Variants in C8orf34 observed in about 807,000 individuals in gnomAD.
C8orf34 encodes the protein uncharacterized protein C8orf34.
C8orf34 carries 65 observed loss-of-function variants against 68.3 expected under a neutral mutation model. The ratio of observed to expected loss-of-function variants is 0.95; its 90% CI spans 0.78 to 1.17. The LOEUF (loss-of-function observed/expected upper bound fraction) is 1.17, where lower values mean the gene tolerates loss of function less well. Among genes scored for constraint, C8orf34 ranks in the 50% most tolerant of loss-of-function variants. The pLI is 0.00. For synonymous variants in C8orf34, 244 were observed against 241.2 expected, an observed-to-expected ratio of 1.01 and a Z score of -0.11; for missense variants, 664 against 655.4, an observed-to-expected ratio of 1.01 and a Z score of -0.14.
chr8:68,420,324 T>A (rs754253943), intron 1 of C8orf34, among the ~76,000 whole-genome samples: 1 of 152,140 alleles, frequency 6.6e-6, no homozygotes, highest in South Asian at 2.1e-4. Context: ...ACATTAATTC[T>A]CACAAAAGCT....
chr8:68,496,211 T>C (rs1229773288), intron 5 of C8orf34, among the ~76,000 whole-genome samples: 1 of 152,174 alleles, frequency 6.6e-6, no homozygotes, highest in Non-Finnish European at 1.5e-5. Flanking sequence ...GACCATGTAA[T>C]AGACTCAATA....
chr8:68,749,206 G>T (rs1402627599), intron 10 of C8orf34, among the ~76,000 whole-genome samples: 9 of 151,454 alleles, frequency 5.9e-5, no homozygotes, highest in Non-Finnish European at 1.2e-4. Flanking sequence ...ATGGACACAG[G>T]AAGGGGAACA....
chr8:68,575,797 T>A (rs1161786475), intron 7 of C8orf34, among the ~76,000 whole-genome samples: 2 of 151,888 alleles, frequency 1.3e-5, no homozygotes, highest in African/African-American at 4.8e-5. Flanking sequence ...AGCATATCAT[T>A]TTTGTTGAGA....
chr8:68,558,797 C>G (rs1816333564), intron 7 of C8orf34, among the ~76,000 whole-genome samples: 1 of 151,960 alleles, frequency 6.6e-6, no homozygotes, highest in Admixed American at 6.6e-5. Context: ...ATGCCCTGTA[C>G]TAGGAAAATA....
At chr8:68,656,506 A>G (rs1819515113) in intron 8 of C8orf34, among the ~76,000 whole-genome samples, 1 of 152,214 alleles carries the variant, frequency 6.6e-6, no homozygotes, top group South Asian at 2.1e-4. Flanking sequence ...GCCATAGCAC[A>G]CTGTATCCAT....
intron 5 of C8orf34, among the ~76,000 whole-genome samples, chr8:68,520,335 A>G (rs1023840973): frequency 9.2e-5 from 14 of 152,354 alleles, no homozygotes; most frequent in African/African-American, 2.6e-4. Flanking sequence ...TGTTGATTAT[A>G]TATTACATTG....
At chr8:68,632,364 G>A (rs1314536236) in intron 7 of C8orf34, among the ~76,000 whole-genome samples, 1 of 152,134 alleles carries the variant, frequency 6.6e-6, no homozygotes, top group African/African-American at 2.4e-5. Context: ...GAAGTGACCT[G>A]GCTTTTGGTA....
chr8:68,790,890 C>T (rs1249704935), intron 12 of C8orf34: 1 of 700,304 alleles, frequency 1.4e-6, no homozygotes, highest in Admixed American at 2.0e-5. Flanking sequence ...TTTGCTTATT[C>T]TAAAAGTTGA....
chr8:68,483,906 C>T (rs1442152939), intron 4 of C8orf34, among the ~76,000 whole-genome samples: 1 of 152,196 alleles, frequency 6.6e-6, no homozygotes, highest in African/African-American at 2.4e-5. Context: ...TTCCAGGCAG[C>T]TCACTCCTAC....
At chr8:68,729,586 A>G (rs909304921) in intron 10 of C8orf34, among the ~76,000 whole-genome samples, 9 of 152,182 alleles carry the variant, frequency 5.9e-5, no homozygotes, top group African/African-American at 2.2e-4. Flanking sequence ...AAAAAGATCT[A>G]TACATTTGAT....
intron 7 of C8orf34, among the ~76,000 whole-genome samples, chr8:68,585,016 G>A (rs998802715): frequency 6.6e-6 from 1 of 152,120 alleles, no homozygotes; most frequent in Non-Finnish European, 1.5e-5. Context: ...CACTGCGTGG[G>A]CTTGGGGAAA....
intron 1 of C8orf34, among the ~76,000 whole-genome samples, chr8:68,415,978 T>G (rs565583874): frequency 6.6e-6 from 1 of 152,342 alleles, no homozygotes; most frequent in South Asian, 2.1e-4. Flanking sequence ...CCAATTTCCT[T>G]ATTCTAAAAT....
chr8:68,744,804 C>T (rs1294325010), intron 10 of C8orf34, among the ~76,000 whole-genome samples: 4 of 152,130 alleles, frequency 2.6e-5, no homozygotes, highest in African/African-American at 4.8e-5. Context: ...AGTTGGAAAA[C>T]ACTCTGCACG....
At chr8:68,437,600 C>T (rs1028356519) in intron 1 of C8orf34, among the ~76,000 whole-genome samples, 1 of 152,130 alleles carries the variant, frequency 6.6e-6, no homozygotes, top group African/African-American at 2.4e-5. Flanking sequence ...CTCTACATTA[C>T]TTTACAATTA....
chr8:68,407,453 T>C (rs1266649669), intron 1 of C8orf34, among the ~76,000 whole-genome samples: 1 of 152,140 alleles, frequency 6.6e-6, no homozygotes, highest in East Asian at 1.9e-4. Flanking sequence ...TGATGAGAAA[T>C]TTGATATATC....
At chr8:68,681,925 AC>A (rs1449339992) in intron 8 of C8orf34, among the ~76,000 whole-genome samples, 1 of 152,178 alleles carries the variant, frequency 6.6e-6, no homozygotes, top group Non-Finnish European at 1.5e-5. Flanking sequence ...AGAAAGACAA[AC>A]TTTACATATT....
intron 6 of C8orf34, among the ~76,000 whole-genome samples, chr8:68,529,676 T>G (rs1467014444): frequency 6.6e-6 from 1 of 152,164 alleles, no homozygotes; most frequent in Non-Finnish European, 1.5e-5. Flanking sequence ...GAAAAACAGT[T>G]ATGGACCTGG....
chr8:68,396,172 A>T (rs1405612781), intron 1 of C8orf34, among the ~76,000 whole-genome samples: 1 of 152,034 alleles, frequency 6.6e-6, no homozygotes, highest in Admixed American at 6.6e-5. Context: ...ACAATAGAAG[A>T]CATATTTTAT....
rs1279832251 is a variant in C8orf34 at position 68,539,845 on chromosome 8, C to A, written c.1105+6696C>A. Reference sequence around the variant, plus strand: ...CTCCACCCTGGGCAACAGAGTGAAACTCCGTCTAAAAAAAAAAAAAATTAT... The same window carrying A: ...CTCCACCCTGGGCAACAGAGTGAAAATCCGTCTAAAAAAAAAAAAAATTAT... On this transcript the variant is annotated intron_variant, in intron 7 of 13. Coordinates refer to ENST00000518698, the MANE Select transcript of C8orf34 (RefSeq NM_052958.4). 2.7e-5 allele frequency among the ~76,000 whole-genome samples: 4 copies of A among 150,438 alleles called. No homozygotes were observed. The East Asian group carries it at 7.8e-4, about 29-fold the overall frequency.
Sources: gnomAD v4.1 joint callset for allele counts (sites outside exome capture counted in the v4.1 genomes callset) on GRCh38, gnomAD v4.1.1 for gene constraint, MANE v1.5 for transcripts, NCBI Gene and HGNC (gene_info 2026-07-23, HGNC 2026-07-21) for gene names.